The following DAP variants were observed in gnomAD, a reference collection of about 807,000 sequenced individuals.
The protein encoded by DAP is death associated protein.
DAP carries 8 observed loss-of-function variants against 13.8 expected under a neutral mutation model. The observed-to-expected ratio is 0.58, with a 90% CI of 0.34 to 1.05. The LOEUF (loss-of-function observed/expected upper bound fraction) is 1.05, where lower values mean the gene tolerates loss of function less well. DAP is among the 50% of genes least tolerant of loss of function. The pLI is 0.03. For missense variants in DAP, 106 were observed against 133.2 expected (o/e 0.80, Z 1.01); for synonymous variants, 47 against 47.5 (o/e 0.99, Z 0.04).
intron 2 of DAP, among the ~76,000 whole-genome samples, chr5:10,698,592 C>G (rs1331313020): frequency 2.0e-5 from 3 of 152,182 alleles, no homozygotes; most frequent in Non-Finnish European, 4.4e-5. Context: ...TCATGATGCC[C>G]TGATCTCTAG....
intron 2 of DAP, among the ~76,000 whole-genome samples, chr5:10,701,476 A>G (rs537291117): frequency 2.0e-4 from 30 of 152,340 alleles, no homozygotes; most frequent in African/African-American, 7.2e-4. Flanking sequence ...AATGGTTTTC[A>G]AGGATGTAAG....
intron 2 of DAP, among the ~76,000 whole-genome samples, chr5:10,715,586 A>G (rs998286788): frequency 1.3e-5 from 2 of 152,262 alleles, no homozygotes; most frequent in African/African-American, 4.8e-5. Flanking sequence ...CTTTTGAAGA[A>G]GCTGCTGGGT....
intron 2 of DAP, among the ~76,000 whole-genome samples, chr5:10,706,715 C>A (rs564918384): frequency 1.3e-5 from 2 of 152,178 alleles, no homozygotes; most frequent in Admixed American, 1.3e-4. Context: ...TTGATAAAGA[C>A]ACACTTTTAC....
At chr5:10,720,610 G>A (rs898566397) in intron 2 of DAP, among the ~76,000 whole-genome samples, 2 of 152,220 alleles carry the variant, frequency 1.3e-5, no homozygotes, top group African/African-American at 4.8e-5. Flanking sequence ...TGGCAGGGAT[G>A]GAGGTTACGC....
chr5:10,754,330 G>A (rs755419), intron 1 of DAP, among the ~76,000 whole-genome samples: 1 of 152,076 alleles, frequency 6.6e-6, no homozygotes, highest in Non-Finnish European at 1.5e-5. Flanking sequence ...GGTGTGCATA[G>A]ATAAGGTAGA....
At chr5:10,697,143 C>T (rs1227586919) in intron 2 of DAP, among the ~76,000 whole-genome samples, 2 of 152,182 alleles carry the variant, frequency 1.3e-5, no homozygotes, top group Non-Finnish European at 2.9e-5. Context: ...TGTTGGGAGA[C>T]CTTGGCTGTA....
chr5:10,685,509 T>C (rs1173394706), intron 2 of DAP, among the ~76,000 whole-genome samples: 1 of 150,064 alleles, frequency 6.7e-6, no homozygotes, highest in Admixed American at 6.7e-5. Flanking sequence ...TCTAACATTT[T>C]AGAAAAGATT....
chr5:10,719,869 T>C (rs1392182065), intron 2 of DAP, among the ~76,000 whole-genome samples: 2 of 152,188 alleles, frequency 1.3e-5, no homozygotes, highest in Admixed American at 6.5e-5. Context: ...GGTTCACAGA[T>C]GGTTCTGCAC....
At chr5:10,715,391 C>T (rs1240777796) in intron 2 of DAP, among the ~76,000 whole-genome samples, 2 of 152,180 alleles carry the variant, frequency 1.3e-5, no homozygotes, top group African/African-American at 4.8e-5. Flanking sequence ...CCAGGTGCCA[C>T]TCACTCCAGT....
At position 10,680,874 on chromosome 5, in the gene DAP, G is replaced by A. The variant is rs1298530469; in HGVS notation, c.*182C>T. ...ATCCAACCAGACTCCCCATAAACAA[G>A]GTTTGGGCTGGAGCTGTTTCTAGTT... On this transcript the variant is annotated 3_prime_UTR_variant, in exon 4 of 4. Transcript: ENST00000230895. 6.5e-7 allele frequency: 1 copy of A among 1,537,012 alleles called. No homozygotes were observed.
At chr5:10,757,373 C>G (rs1308688045) in intron 1 of DAP, among the ~76,000 whole-genome samples, 1 of 152,074 alleles carries the variant, frequency 6.6e-6, no homozygotes, top group Non-Finnish European at 1.5e-5. Flanking sequence ...CTCCCAGGTT[C>G]AAGCGATTTT....
rs560406000 is a variant in DAP, at chr5:10,749,648, G to A, written c.56-1377C>T. Reference sequence around the variant, plus strand: ...CAAAATTAAATAGGTTTCCCCAAGAGAGACCTTCTTGGCCCTTAGTGTGCT... The same window carrying A: ...CAAAATTAAATAGGTTTCCCCAAGAAAGACCTTCTTGGCCCTTAGTGTGCT... On this transcript the variant is annotated intron_variant, in intron 1 of 3. Transcript: ENST00000230895. 4.6e-5 allele frequency among the ~76,000 whole-genome samples: 7 copies of A among 151,998 alleles called. No individual in the cohort carries two copies. In the South Asian group the frequency reaches 1.2e-3, roughly 27 times the overall value.
chr5:10,734,650 TACTC>T (rs1739558394), intron 2 of DAP, among the ~76,000 whole-genome samples: 2 of 152,172 alleles, frequency 1.3e-5, no homozygotes, highest in African/African-American at 4.8e-5. Context: ...CTCCTTAAAA[TACTC>T]ACAGCGTCAT....
At chr5:10,756,879 C>T (rs566967085) in intron 1 of DAP, among the ~76,000 whole-genome samples, 1 of 151,424 alleles carries the variant, frequency 6.6e-6, no homozygotes, top group Non-Finnish European at 1.5e-5. Flanking sequence ...AATTCTAACT[C>T]TGCTAATCTG....
At chr5:10,718,795 C>T in intron 2 of DAP, among the ~76,000 whole-genome samples, 1 of 152,242 alleles carries the variant, frequency 6.6e-6, no homozygotes, top group East Asian at 1.9e-4. Flanking sequence ...CCACCAGAAG[C>T]AATTTGCCTT....
Position 10,680,362 on chromosome 5 carries a change from T to C in DAP, c.*694A>G, listed in dbSNP as rs1579778719. On this transcript the variant is annotated 3_prime_UTR_variant, in exon 4 of 4. Coordinates refer to ENST00000230895, the MANE Select transcript of DAP (RefSeq NM_004394.3). Reference sequence around the variant, plus strand: ...GTGGAGCCTGTCTGGGCTGAGGCGATGCTGGGCTTGCCGTGCCGAGATCTC... The same window carrying C: ...GTGGAGCCTGTCTGGGCTGAGGCGACGCTGGGCTTGCCGTGCCGAGATCTC... The C allele has an allele frequency of 3.6e-6, 1 of 274,312 alleles. No individual in the cohort carries two copies. Among genetic ancestry groups the C allele is most frequent in the Non-Finnish European group, 6.9e-6 (1 of 144,208 alleles). 17.0% of individuals were successfully genotyped at this position (274,312 alleles called of 1,614,324 possible).
At chr5:10,703,227 C>T (rs953393563) in intron 2 of DAP, among the ~76,000 whole-genome samples, 2 of 152,214 alleles carry the variant, frequency 1.3e-5, no homozygotes, top group African/African-American at 4.8e-5. Flanking sequence ...CTTGTTGGGA[C>T]ACAGTAAGAT....
At chr5:10,683,345 T>C (rs1481249511) in intron 3 of DAP, 184 bp downstream of exon 3, 1 of 711,712 alleles carries the variant, frequency 1.4e-6, no homozygotes, top group Non-Finnish European at 2.5e-6. Context: ...GATGCGAGTC[T>C]GGCCTGCGGT....
intron 2 of DAP, among the ~76,000 whole-genome samples, chr5:10,706,698 A>T (rs1211329715): frequency 6.6e-6 from 1 of 152,196 alleles, no homozygotes; most frequent in Non-Finnish European, 1.5e-5. Context: ...AAAAATGATG[A>T]TCGGATTTGA....
Sources: allele counts gnomAD v4.1 joint callset (sites outside exome capture counted in the v4.1 genomes callset), GRCh38; gene constraint gnomAD v4.1.1; transcripts MANE v1.5; gene names NCBI Gene and HGNC (gene_info 2026-07-23, HGNC 2026-07-21).